EIPR1: variants seen among roughly 807,000 people sequenced by gnomAD.
EIPR1 encodes the protein EARP complex and GARP complex interacting protein 1.
Under a neutral mutation model 48.1 loss-of-function variants are expected in EIPR1, and 25 were observed. The ratio of observed to expected loss-of-function variants is 0.52; its 90% CI spans 0.38 to 0.73. EIPR1 has a LOEUF of 0.73. EIPR1 is among the 30% of genes least tolerant of loss of function. EIPR1 has a pLI of 0.00. For synonymous variants in EIPR1, 204 were observed against 201.9 expected (o/e 1.01, Z -0.09); for missense variants, 415 against 506.2 (o/e 0.82, Z 1.73).
intron 1 of EIPR1, among the ~76,000 whole-genome samples, chr2:3,360,934 G>A (rs1670837245): frequency 6.6e-6 from 1 of 152,002 alleles, no homozygotes; most frequent in Non-Finnish European, 1.5e-5. Flanking sequence ...GGGGAAGGAA[G>A]GGGAGGAGAA....
At position 3,208,850 on chromosome 2, in the gene EIPR1, C is replaced by G. The variant is rs915144652; in HGVS notation, c.516+5299G>C. On this transcript the variant is annotated intron_variant, in intron 5 of 8. Transcript: ENST00000382125. ...GCAGGTGCAGGTGTCTGGGGCCATCCCTGTTCCCCGACTCCAGTGTTCCTC... is the reference window on the plus strand; with the variant it reads ...GCAGGTGCAGGTGTCTGGGGCCATCGCTGTTCCCCGACTCCAGTGTTCCTC... 3.9e-6 allele frequency: 6 copies of G among 1,550,406 alleles called. No homozygotes were observed. In the African/African-American group the frequency reaches 5.5e-5, roughly 14 times the overall value.
chr2:3,244,344 T>G (rs1231117502), intron 4 of EIPR1, among the ~76,000 whole-genome samples: 2 of 152,248 alleles, frequency 1.3e-5, no homozygotes, highest in Non-Finnish European at 2.9e-5. Flanking sequence ...TAAAATTCCT[T>G]ACATGCAGGG....
chr2:3,332,905 G>A (rs1174784587), intron 3 of EIPR1, among the ~76,000 whole-genome samples: 1 of 152,164 alleles, frequency 6.6e-6, no homozygotes, highest in African/African-American at 2.4e-5. Flanking sequence ...CTTGTTCCTT[G>A]CATGAATAGA....
At chr2:3,198,888 T>C (rs1664902872) in intron 5 of EIPR1, among the ~76,000 whole-genome samples, 1 of 152,138 alleles carries the variant, frequency 6.6e-6, no homozygotes, top group African/African-American at 2.4e-5. Flanking sequence ...TGCATTGTCA[T>C]TGATAAACAT....
chr2:3,210,058 A>G (rs1471195593), intron 5 of EIPR1, among the ~76,000 whole-genome samples: 1 of 152,128 alleles, frequency 6.6e-6, no homozygotes, highest in African/African-American at 2.4e-5. Context: ...CGTATGGGTT[A>G]ATCAGTGATA....
intron 3 of EIPR1, among the ~76,000 whole-genome samples, chr2:3,283,205 C>A (rs1483913649): frequency 6.6e-6 from 1 of 152,168 alleles, no homozygotes; most frequent in Non-Finnish European, 1.5e-5. Flanking sequence ...ATGAGGCTCT[C>A]CTGGGGCAGG....
chr2:3,356,280 G>A (rs1469471615), intron 1 of EIPR1, among the ~76,000 whole-genome samples: 3 of 152,208 alleles, frequency 2.0e-5, no homozygotes, highest in Non-Finnish European at 2.9e-5. Flanking sequence ...CCTGGAGCAG[G>A]GCCCAGCTGA....
intron 3 of EIPR1, among the ~76,000 whole-genome samples, chr2:3,263,633 C>T (rs537712177): frequency 5.2e-4 from 79 of 152,268 alleles, no homozygotes; most frequent in African/African-American, 1.7e-3. Context: ...CAGCACAGTG[C>T]GGCCAGCGCC....
intron 3 of EIPR1, among the ~76,000 whole-genome samples, chr2:3,318,698 T>A (rs938219243): frequency 2.6e-5 from 4 of 152,214 alleles, no homozygotes; most frequent in Non-Finnish European, 5.9e-5. Context: ...ACTCTCATTC[T>A]GCAATGCTCA....
rs1055958043 is a variant in EIPR1 at position 3,189,276 on chromosome 2, T to G, written c.*58A>C. On this transcript the variant is annotated 3_prime_UTR_variant, in exon 9 of 9. Coordinates refer to ENST00000382125, the MANE Select transcript of EIPR1 (RefSeq NM_003310.5). This position sits in a 1 kb window ranked among gnomAD's most constrained non-coding sequence, Gnocchi z 4.6. ...TCACCTCCAAAGAGCTGCGACTGTTTGAGAATCTGCCAAGAGGAAAACCAC... is the reference window on the plus strand; with the variant it reads ...TCACCTCCAAAGAGCTGCGACTGTTGGAGAATCTGCCAAGAGGAAAACCAC... The G allele has an allele frequency of 2.1e-5, 31 of 1,453,528 alleles. No homozygotes were observed. The highest frequency in any genetic ancestry group is 2.8e-5 in the Non-Finnish European group (30 of 1,086,836). 90.0% of individuals were successfully genotyped at this position (1,453,528 alleles called of 1,614,324 possible).
At chr2:3,275,529 G>A (rs1667821941) in intron 3 of EIPR1, among the ~76,000 whole-genome samples, 1 of 152,060 alleles carries the variant, frequency 6.6e-6, no homozygotes, top group Non-Finnish European at 1.5e-5. Context: ...TTTCTCAAGT[G>A]TAAATGCAAC....
At chr2:3,190,795 C>T (rs748127674) in intron 8 of EIPR1, among the ~76,000 whole-genome samples, 10 of 152,170 alleles carry the variant, frequency 6.6e-5, no homozygotes, top group Admixed American at 2.0e-4. Context: ...TATGGCAGAC[C>T]GAGTTTCTAA....
chr2:3,347,967 G>A (rs537751800), intron 2 of EIPR1, among the ~76,000 whole-genome samples: 420 of 152,298 alleles, frequency 2.8e-3, no homozygotes, highest in Non-Finnish European at 4.5e-3. Flanking sequence ...GAGCAGCGGG[G>A]AAGAAATCAA....
At position 3,285,530 on chromosome 2, in the gene EIPR1, A is replaced by G. The variant is rs201917284; in HGVS notation, c.260-28075T>C. On this transcript the variant is annotated intron_variant, in intron 3 of 8. Transcript: ENST00000382125. ...TGTTTTCTTTCAGAAGTGCTCCATA[A>G]GAATTAAAGTGTTGGAGTCCAAAGA... Among the ~76,000 whole-genome samples the G allele has an allele frequency of 4.0e-4, 61 of 152,330 alleles. 1 individual carries two copies. In the East Asian group the frequency reaches 8.5e-3, roughly 21 times the overall value.
At chr2:3,333,150 C>T (rs1049065886) in intron 3 of EIPR1, among the ~76,000 whole-genome samples, 5 of 152,260 alleles carry the variant, frequency 3.3e-5, no homozygotes, top group Middle Eastern at 6.8e-3. Flanking sequence ...AAGGGTTTCT[C>T]GCTTGCATTT....
At chr2:3,348,982 G>A (rs556942644) in intron 2 of EIPR1, among the ~76,000 whole-genome samples, 1 of 152,234 alleles carries the variant, frequency 6.6e-6, no homozygotes. Context: ...CGGAACCATG[G>A]GGCCCAGGCT....
chr2:3,311,957 CCTTCTTTGG>C, intron 3 of EIPR1, among the ~76,000 whole-genome samples: 1 of 152,288 alleles, frequency 6.6e-6, no homozygotes, highest in South Asian at 2.1e-4. Flanking sequence ...CTGGACCTGG[CCTTCTTTGG>C]AACAGCGCAC....
chr2:3,313,745 GAA>G (rs1177887964), intron 3 of EIPR1, among the ~76,000 whole-genome samples: 1 of 152,186 alleles, frequency 6.6e-6, no homozygotes, highest in African/African-American at 2.4e-5. Context: ...CTGGGTTTCA[GAA>G]AAGTCACTGT....
chr2:3,312,633 A>C lies in EIPR1; in HGVS notation c.259+25384T>G, dbSNP rs1669163667. 6.6e-6 allele frequency among the ~76,000 whole-genome samples: 1 copy of C among 152,180 alleles called. No homozygotes were observed. ...TTGCAGGTAAAGCTTTGCAGGGAGAAGGACCCACGATGCCACTGCCTCTGT... is the reference window on the plus strand; with the variant it reads ...TTGCAGGTAAAGCTTTGCAGGGAGACGGACCCACGATGCCACTGCCTCTGT... On this transcript the variant is annotated intron_variant, in intron 3 of 8. Transcript: ENST00000382125. This position sits in a 1 kb window ranked among gnomAD's most constrained non-coding sequence, Gnocchi z 5.5.
Sources: gnomAD v4.1 joint callset for allele counts (sites outside exome capture counted in the v4.1 genomes callset) on GRCh38, gnomAD v4.1.1 for gene constraint, Gnocchi (gnomAD v3.1) non-coding constraint, MANE v1.5 for transcripts, NCBI Gene and HGNC (gene_info 2026-07-23, HGNC 2026-07-21) for gene names.